Variants in ANKRD17 observed in about 807,000 individuals in gnomAD.
ANKRD17 encodes the protein ankyrin repeat domain 17, also known as ankyrin repeat domain-containing protein 17.
ANKRD17 carries 19 observed loss-of-function variants against 229.7 expected under a neutral mutation model. That is an observed-to-expected ratio of 0.08 (90% CI 0.06 to 0.12). The LOEUF (loss-of-function observed/expected upper bound fraction) is 0.12. ANKRD17 is among the 10% of genes least tolerant of loss of function. ANKRD17 has a pLI of 1.00. For synonymous variants in ANKRD17, 1,112 were observed against 1,146.1 expected (o/e 0.97, Z 0.60); for missense variants, 2,176 against 3,176.8 (o/e 0.68, Z 7.57).
intron 13 of ANKRD17, 144 bp downstream of exon 13, chr4:73,142,098 G>T: frequency 3.4e-6 from 3 of 892,586 alleles, no homozygotes; most frequent in South Asian, 4.3e-5. Flanking sequence ...TGTACCAGAT[G>T]TTCATTAACT....
At chr4:73,137,499 C>T (rs1403138724) in intron 15 of ANKRD17, among the ~76,000 whole-genome samples, 1 of 152,064 alleles carries the variant, frequency 6.6e-6, no homozygotes, top group Non-Finnish European at 1.5e-5. Flanking sequence ...ATACTTTAAA[C>T]CCCTAAGAAA....
chr4:73,126,932 C>T (rs926145776), intron 16 of ANKRD17, among the ~76,000 whole-genome samples: 1 of 152,176 alleles, frequency 6.6e-6, no homozygotes, highest in South Asian at 2.1e-4. Context: ...CAACATGTGA[C>T]TATTAGCATT....
intron 2 of ANKRD17, among the ~76,000 whole-genome samples, chr4:73,168,462 A>C (rs1231157127): frequency 6.6e-6 from 1 of 152,142 alleles, no homozygotes; most frequent in African/African-American, 2.4e-5. Flanking sequence ...ATATATATAC[A>C]CTCCTCAATT....
chr4:73,254,800 G>A (rs531272314), intron 1 of ANKRD17, among the ~76,000 whole-genome samples: 1 of 150,814 alleles, frequency 6.6e-6, no homozygotes, highest in South Asian at 2.1e-4. Flanking sequence ...AAAATACTAA[G>A]ATCATTCAGT....
intron 24 of ANKRD17, among the ~76,000 whole-genome samples, chr4:73,105,308 G>T (rs1051950406): frequency 1.3e-5 from 2 of 151,108 alleles, no homozygotes; most frequent in African/African-American, 4.9e-5. Context: ...AGGTGTAACT[G>T]TGTGTGTGTG....
intron 20 of ANKRD17, among the ~76,000 whole-genome samples, 182 bp from the exon 21 acceptor site, chr4:73,120,519 C>A (rs944848513): frequency 6.9e-6 from 1 of 145,814 alleles, no homozygotes; most frequent in Non-Finnish European, 1.5e-5. Flanking sequence ...GAAAATAATT[C>A]TACCTAATCT....
intron 1 of ANKRD17, among the ~76,000 whole-genome samples, chr4:73,229,862 T>C (rs192989953): frequency 1.1e-3 from 165 of 152,272 alleles, no homozygotes; most frequent in African/African-American, 3.8e-3. Flanking sequence ...ATATTCTCAC[T>C]AAATAAAATA....
At chr4:73,180,168 A>T (rs917832145) in intron 1 of ANKRD17, among the ~76,000 whole-genome samples, 1 of 152,162 alleles carries the variant, frequency 6.6e-6, no homozygotes, top group Non-Finnish European at 1.5e-5. Context: ...TCAAAGGTAG[A>T]GATCAGAGGT....
At position 73,242,298 on chromosome 4, in the gene ANKRD17, A is replaced by T. The variant is rs1204177238; in HGVS notation, c.393+15978T>A. ...GCCATATACAAGATTAAAATATGCC[A>T]ATCAATAGCTTCCTATATTCCAACA... is the stretch of plus-strand genomic sequence containing the variant. On this transcript the variant is annotated intron_variant, in intron 1 of 33. Transcript: ENST00000358602. 2.6e-5 allele frequency among the ~76,000 whole-genome samples: 4 copies of T among 152,220 alleles called. No homozygotes were observed. In the East Asian group the frequency reaches 7.7e-4, roughly 29 times the overall value.
chr4:73,165,668 G>A (rs1733137349), intron 2 of ANKRD17, among the ~76,000 whole-genome samples: 1 of 152,170 alleles, frequency 6.6e-6, no homozygotes, highest in Non-Finnish European at 1.5e-5. Flanking sequence ...AAGACAGCGA[G>A]GTTATCCTGG....
In ANKRD17 at chr4:73,140,024, C is replaced by T; in HGVS notation, c.2592G>A (p.Lys864=). The stretch of plus-strand genomic sequence containing the variant: ...CTACTTTCTGTAGTTCCTCCAAAAT[C>T]TTTTGTTTCTTCTGAATTTGTTCCT... ...TREEQIQKKQ[K]ILEELQKVER... is the part of the protein sequence containing the mutation. The change falls in exon 15 of 34, where the codon AAG becomes AAA. Residue 864 remains lysine, a synonymous_variant. Coordinates refer to ENST00000358602, the MANE Select transcript of ANKRD17 (RefSeq NM_032217.5). 2 of 1,614,164 alleles carry T rather than the reference C, an allele frequency of 1.2e-6. No homozygotes were observed. The highest frequency in any genetic ancestry group is 1.7e-6 in the Non-Finnish European group (2 of 1,180,026).
At chr4:73,213,025 T>C (rs1740515847) in intron 1 of ANKRD17, among the ~76,000 whole-genome samples, 1 of 61,252 alleles carries the variant, frequency 1.6e-5, no homozygotes, top group East Asian at 4.3e-4. Flanking sequence ...AGACTCCGTT[T>C]CAGGGGAAAA....
chr4:73,188,130 G>C (rs894932684), intron 1 of ANKRD17, among the ~76,000 whole-genome samples: 1 of 151,722 alleles, frequency 6.6e-6, no homozygotes, highest in African/African-American at 2.4e-5. Flanking sequence ...GGTCCATAAA[G>C]TTGAAAGAAA....
At chr4:73,222,901 T>A (rs1443814136) in intron 1 of ANKRD17, 1 of 1,242,606 alleles carries the variant, frequency 8.0e-7, no homozygotes, top group South Asian at 1.3e-5. Flanking sequence ...TATTCATCTG[T>A]AAAATAATTC....
At chr4:73,218,931 T>C (rs1741480688) in intron 1 of ANKRD17, among the ~76,000 whole-genome samples, 1 of 151,822 alleles carries the variant, frequency 6.6e-6, no homozygotes, top group Non-Finnish European at 1.5e-5. Context: ...TGTGGTGGCA[T>C]GCACCTGTAA....
At chr4:73,103,137 A>G (rs965382529) in intron 24 of ANKRD17, among the ~76,000 whole-genome samples, 10 of 152,162 alleles carry the variant, frequency 6.6e-5, no homozygotes, top group Admixed American at 5.2e-4. Flanking sequence ...ATATATTCAC[A>G]GAATACTAGA....
At chr4:73,194,688 A>G (rs932095903) in intron 1 of ANKRD17, among the ~76,000 whole-genome samples, 1 of 152,178 alleles carries the variant, frequency 6.6e-6, no homozygotes, top group African/African-American at 2.4e-5. Flanking sequence ...ACATTGTAGT[A>G]TATATCATAT....
intron 24 of ANKRD17, among the ~76,000 whole-genome samples, chr4:73,105,165 C>T (rs1249658665): frequency 2.0e-5 from 3 of 151,902 alleles, no homozygotes; most frequent in Non-Finnish European, 4.4e-5. Context: ...ACAAAATGAC[C>T]CAACTTTACA....
chr4:73,103,024 T>C (rs1046443259), intron 24 of ANKRD17, among the ~76,000 whole-genome samples: 3 of 152,046 alleles, frequency 2.0e-5, no homozygotes, highest in Non-Finnish European at 2.9e-5. Context: ...TGTCTATCTC[T>C]AGTGAAAAAA....
Sources: allele counts gnomAD v4.1 joint callset (sites outside exome capture counted in the v4.1 genomes callset), GRCh38; gene constraint gnomAD v4.1.1; transcripts MANE v1.5; gene names NCBI Gene and HGNC (gene_info 2026-07-23, HGNC 2026-07-21).